LAMA2: variants seen among roughly 807,000 people sequenced by gnomAD.
The protein encoded by LAMA2 is laminin subunit alpha-2.
Under a neutral mutation model 364.8 loss-of-function variants are expected in LAMA2, and 269 were observed. The observed-to-expected ratio is 0.74, with a 90% confidence interval of 0.67 to 0.82. The LOEUF (loss-of-function observed/expected upper bound fraction) is 0.82. LAMA2 is among the 40% of genes least tolerant of loss of function. The pLI, the probability that LAMA2 is intolerant of heterozygous loss-of-function variation, is 0.00. For synonymous variants in LAMA2, 1,379 were observed against 1,370.6 expected (o/e 1.01, Z -0.14); for missense variants, 3,807 against 3,873.2 (o/e 0.98, Z 0.45).
intron 41 of LAMA2, 34 bp downstream of exon 41, chr6:129,427,888 T>C (rs752265077): frequency 2.3e-5 from 30 of 1,294,238 alleles, no homozygotes; most frequent in Non-Finnish European, 3.1e-5. Flanking sequence ...TATATTCCAG[T>C]TAATCGGGTT....
At chr6:129,081,551 G>A (rs981666284) in intron 3 of LAMA2, among the ~76,000 whole-genome samples, 13 of 152,098 alleles carry the variant, frequency 8.5e-5, no homozygotes, top group African/African-American at 2.9e-4. Context: ...GTCCTTGATC[G>A]TAATTCTTTT....
At chr6:129,467,346 G>T (rs1783593236) in intron 51 of LAMA2, among the ~76,000 whole-genome samples, 3 of 151,664 alleles carry the variant, frequency 2.0e-5, no homozygotes, top group Non-Finnish European at 2.9e-5. Flanking sequence ...TAGACACTGG[G>T]GACTCCAAAA....
At chr6:129,458,262 G>A (rs1350595476) in intron 48 of LAMA2, among the ~76,000 whole-genome samples, 1 of 151,880 alleles carries the variant, frequency 6.6e-6, no homozygotes, top group Non-Finnish European at 1.5e-5. Context: ...TAAAATATAT[G>A]GCAAATAGCT....
rs1774908512 is a variant in LAMA2, at chr6:129,320,618, G to C, written c.4139G>C (p.Cys1380Ser). ...CCTCCAGCTGACTTGATTGAAAAATGTGATTGTCCCCTGGGCTATTCTGGC... is the reference window on the plus strand; with the variant it reads ...CCTCCAGCTGACTTGATTGAAAAATCTGATTGTCCCCTGGGCTATTCTGGC... Reference protein sequence around the residue: ...MTPPADLIEKCDCPLGYSGLS... With the variant: ...MTPPADLIEKSDCPLGYSGLS... The change falls in exon 28 of 65, where the codon TGT becomes TCT. Residue 1380 changes from cysteine (C) to serine (S), a missense_variant. Physicochemically the swap from Cys to Ser is moderately radical, Grantham distance 112. This residue lies in a region of LAMA2 where 3,333 missense variants were observed against 3,345.7 expected (regional missense o/e 1.00). Transcript: ENST00000421865. 4.3e-6 allele frequency: 7 copies of C among 1,613,272 alleles called. No homozygotes were observed. The highest frequency in any genetic ancestry group is 5.9e-6 in the Non-Finnish European group (7 of 1,179,260).
At chr6:129,306,368 G>T (rs1243894079) in intron 22 of LAMA2, among the ~76,000 whole-genome samples, 2 of 34,470 alleles carry the variant, frequency 5.8e-5, no homozygotes, top group South Asian at 1.0e-3. Flanking sequence ...TTCCGAAGAT[G>T]TTTTTGCAGA....
chr6:129,119,136 A>G (rs1479496598), intron 4 of LAMA2, among the ~76,000 whole-genome samples: 3 of 152,220 alleles, frequency 2.0e-5, no homozygotes, highest in African/African-American at 7.2e-5. Context: ...TTTATGCATA[A>G]GTGAAGACAT....
chr6:129,443,090 T>C (rs757801622), intron 44 of LAMA2, 22 bp downstream of exon 44: 1 of 1,570,908 alleles, frequency 6.4e-7, no homozygotes, highest in Admixed American at 1.7e-5. Context: ...TTTACTTATA[T>C]ACCTTTTAGT....
chr6:129,275,788 G>A (rs1465806123), intron 17 of LAMA2, among the ~76,000 whole-genome samples: 1 of 150,526 alleles, frequency 6.6e-6, no homozygotes, highest in Non-Finnish European at 1.5e-5. Context: ...ATTTATTATG[G>A]CAATATGCTT....
intron 17 of LAMA2, among the ~76,000 whole-genome samples, chr6:129,276,363 TG>T (rs1357236709): frequency 6.6e-6 from 1 of 152,114 alleles, no homozygotes; most frequent in East Asian, 1.9e-4. Context: ...ATTAAAGGAG[TG>T]CTTGTTTTAT....
chr6:129,436,610 T>A (rs1366971595), intron 41 of LAMA2, among the ~76,000 whole-genome samples: 1 of 152,074 alleles, frequency 6.6e-6, no homozygotes, highest in African/African-American at 2.4e-5. Flanking sequence ...ACCAAATACA[T>A]GTCTATTTAA....
intron 44 of LAMA2, among the ~76,000 whole-genome samples, chr6:129,445,052 A>G (rs1431063333): frequency 3.3e-5 from 5 of 152,222 alleles, no homozygotes. Flanking sequence ...AATATAGGTC[A>G]ACCTAATATG....
intron 22 of LAMA2, among the ~76,000 whole-genome samples, chr6:129,310,328 A>G (rs1774140463): frequency 6.6e-6 from 1 of 152,232 alleles, no homozygotes; most frequent in African/African-American, 2.4e-5. Context: ...GCAGGAACAG[A>G]AACATAATAC....
intron 4 of LAMA2, among the ~76,000 whole-genome samples, chr6:129,121,143 G>T (rs900271504): frequency 1.3e-5 from 2 of 152,138 alleles, no homozygotes; most frequent in Non-Finnish European, 2.9e-5. Flanking sequence ...CCATTGTCCC[G>T]CACTGATGGT....
At chr6:129,144,163 C>T (rs1306328762) in intron 5 of LAMA2, 83 bp downstream of exon 5, 1 of 1,121,180 alleles carries the variant, frequency 8.9e-7, no homozygotes, top group Non-Finnish European at 1.3e-6. Flanking sequence ...AAAATGTTTT[C>T]AGTGATTTGT....
chr6:129,240,417 G>A (rs1401413078), intron 12 of LAMA2, among the ~76,000 whole-genome samples: 5 of 152,150 alleles, frequency 3.3e-5, no homozygotes, highest in African/African-American at 1.2e-4. Flanking sequence ...TCTCCACTAT[G>A]AACAGTGAGA....
At chr6:129,171,277 C>G (rs937982611) in intron 9 of LAMA2, among the ~76,000 whole-genome samples, 1 of 152,200 alleles carries the variant, frequency 6.6e-6, no homozygotes. Flanking sequence ...CATCGATGGT[C>G]TTTACAATTT....
At chr6:129,407,742 C>A (rs1432156335) in intron 40 of LAMA2, among the ~76,000 whole-genome samples, 8 of 152,174 alleles carry the variant, frequency 5.3e-5, no homozygotes, top group Non-Finnish European at 1.5e-5. Flanking sequence ...CTGGAAGGAC[C>A]TGTGCCATTT....
intron 40 of LAMA2, among the ~76,000 whole-genome samples, chr6:129,408,048 C>T (rs895739816): frequency 3.3e-5 from 5 of 152,128 alleles, no homozygotes; most frequent in African/African-American, 1.2e-4. Context: ...CCCTTGGTGA[C>T]AGCATTCTTC....
At chr6:129,004,866 A>T (rs1784346878) in intron 1 of LAMA2, among the ~76,000 whole-genome samples, 1 of 151,970 alleles carries the variant, frequency 6.6e-6, no homozygotes, top group Non-Finnish European at 1.5e-5. Context: ...CTTTTTCATA[A>T]AACACTTTTC....
Sources: gnomAD v4.1 joint callset for allele counts (sites outside exome capture counted in the v4.1 genomes callset) on GRCh38, gnomAD v4.1.1 for gene constraint, gnomAD v4.1.1 regional missense constraint, MANE v1.5 for transcripts, NCBI Gene and HGNC (gene_info 2026-07-23, HGNC 2026-07-21) for gene names.